Variants in STAB2 observed in about 807,000 individuals in gnomAD.
STAB2 encodes the protein stabilin-2.
STAB2 carries 288 observed loss-of-function variants against 338.1 expected under a neutral mutation model. That is an observed-to-expected ratio of 0.85 (90% confidence interval 0.77 to 0.94). The LOEUF (loss-of-function observed/expected upper bound fraction) is 0.94, where lower values mean the gene tolerates loss of function less well. Ranked by LOEUF, STAB2 falls within the 40% of genes least tolerant of loss-of-function variation. STAB2 has a pLI of 0.00. For synonymous variants in STAB2, 1,202 were observed against 1,193.3 expected, an observed-to-expected ratio of 1.01 and a Z score of -0.15; for missense variants, 3,141 against 3,210.1, an observed-to-expected ratio of 0.98 and a Z score of 0.52.
At chr12:103,706,328 C>T (rs1034279952) in intron 37 of STAB2, among the ~76,000 whole-genome samples, 1 of 152,124 alleles carries the variant, frequency 6.6e-6, no homozygotes, top group Non-Finnish European at 1.5e-5. Flanking sequence ...TACGGGGCTT[C>T]CCTGAACTGC....
At chr12:103,750,256 A>T (rs1173221228) in intron 59 of STAB2, among the ~76,000 whole-genome samples, 1 of 152,154 alleles carries the variant, frequency 6.6e-6, no homozygotes, top group Non-Finnish European at 1.5e-5. Flanking sequence ...AATGCATGGA[A>T]TTTTTTCAGA....
chr12:103,687,414 TA>T (rs1365133774), intron 27 of STAB2, among the ~76,000 whole-genome samples: 1 of 152,116 alleles, frequency 6.6e-6, no homozygotes, highest in Non-Finnish European at 1.5e-5. Flanking sequence ...GAACTTCCCC[TA>T]AACAACTGTA....
At chr12:103,609,943 A>G (rs1258274253) in intron 3 of STAB2, among the ~76,000 whole-genome samples, 2 of 152,206 alleles carry the variant, frequency 1.3e-5, no homozygotes, top group East Asian at 3.8e-4. Flanking sequence ...TATTGTGATA[A>G]TCATGCGGTT....
In STAB2 at chr12:103,670,768, T is replaced by C. The variant is rs1019419549; in HGVS notation, c.2332T>C (p.Cys778Arg). ...EGFQGSQCQFCSDPNKYGPRC... is the reference protein window; with the variant it reads ...EGFQGSQCQFRSDPNKYGPRC... ...CTTCCAAGGCTCCCAGTGTCAGTTC[T>C]GCTCTGATCCCAATAAATACGGACC... The change falls in exon 22 of 69, where the codon TGC becomes CGC. Residue 778 changes from cysteine (C) to arginine (R), a missense_variant. Coordinates refer to ENST00000388887, the MANE Select transcript of STAB2 (RefSeq NM_017564.10). The C allele has an allele frequency of 4.3e-6, 7 of 1,614,054 alleles. No homozygotes were observed. The highest frequency in any genetic ancestry group is 5.9e-6 in the Non-Finnish European group (7 of 1,180,030).
At chr12:103,746,001 G>C (rs571019488) in intron 57 of STAB2, among the ~76,000 whole-genome samples, 1 of 152,246 alleles carries the variant, frequency 6.6e-6, no homozygotes, top group Admixed American at 6.5e-5. Context: ...ATCCTCCCTG[G>C]GGTCACAGGG....
At position 103,742,549 on chromosome 12, in the gene STAB2, G is replaced by A; in HGVS notation, c.6026G>A (p.Cys2009Tyr). Residue 2009 changes from cysteine (C) to tyrosine (Y), a missense_variant, in exon 56 of 69, where the codon TGT becomes TAT. By Grantham distance (194) the Cys-to-Tyr change is radical. Transcript: ENST00000388887. ...MCWPGRFGPD[C>Y]LPCGCSDHGQ... Reference sequence around the variant, plus strand: ...TGGCCGGGGAGATTCGGGCCTGATTGTCTGCGTATGTGGCGCCGCTTCTCC... The same window carrying A: ...TGGCCGGGGAGATTCGGGCCTGATTATCTGCGTATGTGGCGCCGCTTCTCC... The A allele has an allele frequency of 6.2e-7, 1 of 1,614,100 alleles. No homozygotes were observed. Among genetic ancestry groups the A allele is most frequent in the Non-Finnish European group, 8.5e-7 (1 of 1,180,000 alleles).
At chr12:103,613,560 AC>A (rs1316416974) in intron 3 of STAB2, among the ~76,000 whole-genome samples, 1 of 152,118 alleles carries the variant, frequency 6.6e-6, no homozygotes. Flanking sequence ...GGTGGGGGTG[AC>A]CCGATTTTCA....
chr12:103,676,296 A>G (rs1876362689), intron 24 of STAB2, among the ~76,000 whole-genome samples: 1 of 151,518 alleles, frequency 6.6e-6, no homozygotes. Context: ...TGACCTCGTG[A>G]TCTGCCCACC....
At chr12:103,643,764 AAGACTAT>A (rs1873090643) in intron 9 of STAB2, among the ~76,000 whole-genome samples, 1 of 151,772 alleles carries the variant, frequency 6.6e-6, no homozygotes, top group Non-Finnish European at 1.5e-5. Context: ...AAGCCCTTAT[AAGACTAT>A]GTAGCATAAG....
intron 30 of STAB2, among the ~76,000 whole-genome samples, chr12:103,691,350 A>T (rs555909304): frequency 6.6e-6 from 1 of 152,348 alleles, no homozygotes; most frequent in East Asian, 1.9e-4. Flanking sequence ...ACTATGAAAA[A>T]GATCTATGCG....
At chr12:103,716,406 G>A (rs111542487) in intron 43 of STAB2, among the ~76,000 whole-genome samples, 3,731 of 152,256 alleles carry the variant, frequency 0.025, 159 homozygotes, top group African/African-American at 0.086. Flanking sequence ...AAAGATACAG[G>A]CAGGGAAGCT....
chr12:103,766,236 G>A, intron 68 of STAB2, 50 bp from the exon 69 acceptor site: 2 of 1,611,982 alleles, frequency 1.2e-6, no homozygotes, highest in Non-Finnish European at 1.7e-6. Flanking sequence ...GATTCAACTA[G>A]GACTCAACAC....
At chr12:103,714,174 G>T (rs548504852) in intron 42 of STAB2, among the ~76,000 whole-genome samples, 4 of 152,066 alleles carry the variant, frequency 2.6e-5, no homozygotes, top group African/African-American at 9.6e-5. Flanking sequence ...AACAAAAATG[G>T]TATCTCAGGA....
At position 103,674,010 on chromosome 12, in the gene STAB2, G is replaced by C. The variant is rs751781890; in HGVS notation, c.2475G>C (p.Lys825Asn). 6.2e-7 allele frequency: 1 copy of C among 1,614,118 alleles called. No individual in the cohort carries two copies. Among genetic ancestry groups the C allele is most frequent in the Non-Finnish European group, 8.5e-7 (1 of 1,180,030 alleles). Residue 825 changes from lysine (K) to asparagine (N), a missense_variant, in exon 23 of 69, where the codon AAG (lysine) becomes AAC (asparagine). Lys to Asn is a moderately conservative substitution (Grantham distance 94). Transcript: ENST00000388887. ...GCTCTGCCGGGAGACTCTGTGATAA[G>C]CAGACCTCAGCCTGTGGGCCCTACG... ...RDGSAGRLCDKQTSACGPYVQ... is the reference protein window; with the variant it reads ...RDGSAGRLCDNQTSACGPYVQ...
chr12:103,593,450 A>G (rs1956829508), intron 2 of STAB2, among the ~76,000 whole-genome samples: 1 of 152,080 alleles, frequency 6.6e-6, no homozygotes, highest in South Asian at 2.1e-4. Flanking sequence ...TTATACACCT[A>G]TTGGCCACTT....
chr12:103,749,067 G>T lies in STAB2; in HGVS notation c.6349G>T (p.Asp2117Tyr), dbSNP rs774935691. 1 of 1,614,156 alleles carries T rather than the reference G, an allele frequency of 6.2e-7. No homozygotes were observed. The highest frequency in any genetic ancestry group is 8.5e-7 in the Non-Finnish European group (1 of 1,180,030). ...CAGCTGCCAGAAGGGATACAAAGGG[G>T]ACGGGCACAGCTGCACAGAGATAGA... ...SCSCQKGYKG[D>Y]GHSCTEIDPC... Residue 2117 changes from aspartate to tyrosine, a missense_variant, in exon 59 of 69, where the codon GAC (aspartate) becomes TAC (tyrosine). Coordinates refer to ENST00000388887, the MANE Select transcript of STAB2 (RefSeq NM_017564.10).
At chr12:103,709,608 G>T (rs1454469921) in intron 39 of STAB2, among the ~76,000 whole-genome samples, 1 of 152,178 alleles carries the variant, frequency 6.6e-6, no homozygotes, top group Non-Finnish European at 1.5e-5. Context: ...GGGCGTCTTT[G>T]CCCAAAGCTC....
intron 66 of STAB2, among the ~76,000 whole-genome samples, chr12:103,761,961 T>C (rs1884571111): frequency 6.6e-6 from 1 of 151,866 alleles, no homozygotes; most frequent in Non-Finnish European, 1.5e-5. Context: ...GCACAGAAGC[T>C]CCAAAGCCAG....
At chr12:103,731,715 T>C in intron 50 of STAB2, 80 bp downstream of exon 50, 1 of 1,483,308 alleles carries the variant, frequency 6.7e-7, no homozygotes, top group South Asian at 1.2e-5. Flanking sequence ...GTTGTTTCTG[T>C]TTTGTTTTGA....
Sources: allele counts gnomAD v4.1 joint callset (sites outside exome capture counted in the v4.1 genomes callset), GRCh38; gene constraint gnomAD v4.1.1; transcripts MANE v1.5; gene names NCBI Gene and HGNC (gene_info 2026-07-23, HGNC 2026-07-21).